CPQ: variants seen among roughly 807,000 people sequenced by gnomAD.
CPQ encodes carboxypeptidase Q, also known as Ser-Met dipeptidase.
CPQ carries 37 observed loss-of-function variants against 45.7 expected under a neutral mutation model. The observed-to-expected ratio is 0.81, with a 90% CI of 0.62 to 1.07. The LOEUF (loss-of-function observed/expected upper bound fraction) is 1.07, where lower values mean the gene tolerates loss of function less well. CPQ is among the 50% of genes least tolerant of loss of function. The probability of loss-of-function intolerance (pLI) is 0.00; values close to 1 mark genes in which losing one functional copy is unlikely to be tolerated. For missense variants in CPQ, 537 were observed against 572.9 expected (o/e 0.94, Z 0.64); for synonymous variants, 186 against 205.8 (o/e 0.90, Z 0.82).
chr8:96,889,624 T>G (rs1812347638), intron 4 of CPQ, among the ~76,000 whole-genome samples: 1 of 152,098 alleles, frequency 6.6e-6, no homozygotes, highest in Non-Finnish European at 1.5e-5. Flanking sequence ...CAGTGGATCA[T>G]CCCGAGTCCC....
At chr8:96,704,531 A>T (rs111820978) in intron 1 of CPQ, among the ~76,000 whole-genome samples, 3,654 of 152,264 alleles carry the variant, frequency 0.024, 160 homozygotes, top group African/African-American at 0.083. Context: ...TGGAGCAAAG[A>T]GTATATATTC....
At chr8:97,087,123 GTGGT>G (rs2130560113) in intron 7 of CPQ, among the ~76,000 whole-genome samples, 1 of 152,122 alleles carries the variant, frequency 6.6e-6, no homozygotes, top group East Asian at 1.9e-4. Context: ...TGCCCCTCCG[GTGGT>G]GGTAAATGAC....
chr8:96,846,351 G>T (rs1456057634), intron 3 of CPQ, among the ~76,000 whole-genome samples: 3 of 152,082 alleles, frequency 2.0e-5, no homozygotes, highest in African/African-American at 7.2e-5. Context: ...CTGAGTGGTA[G>T]GAGTTCTTTA....
chr8:97,015,022 G>A (rs1274025252), intron 5 of CPQ, among the ~76,000 whole-genome samples: 1 of 152,090 alleles, frequency 6.6e-6, no homozygotes, highest in East Asian at 1.9e-4. Context: ...CATGATTCAA[G>A]TACAAACAGT....
rs112979333 is a variant in CPQ at position 97,069,848 on chromosome 8, C to T, written c.1255+3638C>T. ...GTATGATGACTAGACCCCAATATTC[C>T]ATGTATACTATTTACCAAAATACTG... On this transcript the variant is annotated intron_variant, in intron 7 of 7. Coordinates refer to ENST00000220763, the MANE Select transcript of CPQ (RefSeq NM_016134.4). Among the ~76,000 whole-genome samples the T allele has an allele frequency of 4.4e-3, 676 of 152,102 alleles. 6 individuals carry two copies. The highest frequency in any genetic ancestry group is 0.016 in the African/African-American group (649 of 41,516).
At chr8:97,084,812 C>G (rs1470335191) in intron 7 of CPQ, among the ~76,000 whole-genome samples, 2 of 150,454 alleles carry the variant, frequency 1.3e-5, no homozygotes, top group East Asian at 1.9e-4. Flanking sequence ...TGTGTATACT[C>G]TGTGTGTGTG....
chr8:96,960,691 T>C (rs1813445090), intron 4 of CPQ, among the ~76,000 whole-genome samples: 1 of 152,216 alleles, frequency 6.6e-6, no homozygotes, highest in Non-Finnish European at 1.5e-5. Flanking sequence ...AACTTTGGTA[T>C]ACCATTGCTT....
chr8:97,085,550 G>T (rs1048122907), intron 7 of CPQ, among the ~76,000 whole-genome samples: 1 of 151,968 alleles, frequency 6.6e-6, no homozygotes, highest in Non-Finnish European at 1.5e-5. Flanking sequence ...ACTTCATCTC[G>T]CTAGTCTTAA....
intron 3 of CPQ, among the ~76,000 whole-genome samples, chr8:96,865,498 G>C (rs547416499): frequency 4.6e-5 from 7 of 152,016 alleles, no homozygotes; most frequent in Non-Finnish European, 1.0e-4. Flanking sequence ...GTGTATGGTC[G>C]ATATGCTACC....
At chr8:96,683,657 T>C (rs6468516) in intron 1 of CPQ, among the ~76,000 whole-genome samples, 49 of 152,202 alleles carry the variant, frequency 3.2e-4, no homozygotes, top group African/African-American at 1.1e-3. Flanking sequence ...ACTGCCAGAA[T>C]TAGAATTTTT....
At chr8:96,680,356 G>A (rs1809133006) in intron 1 of CPQ, 1 of 152,162 alleles carries the variant, frequency 6.6e-6, no homozygotes, top group Non-Finnish European at 1.5e-5. Flanking sequence ...CTCAGTGGGA[G>A]GTAATTGAAT....
chr8:96,768,866 A>C (rs550370186), intron 1 of CPQ, among the ~76,000 whole-genome samples: 21 of 152,282 alleles, frequency 1.4e-4, no homozygotes, highest in Non-Finnish European at 2.9e-4. Flanking sequence ...AATCCAAAGG[A>C]AATTACTAAT....
chr8:96,783,569 G>A (rs972328669), intron 1 of CPQ, among the ~76,000 whole-genome samples: 4 of 152,050 alleles, frequency 2.6e-5, no homozygotes, highest in Admixed American at 6.6e-5. Context: ...TTATAATACC[G>A]TCACAAGCGC....
Position 96,929,134 on chromosome 8 carries a change from A to T in CPQ, c.850-36801A>T, listed in dbSNP as rs577963113. On this transcript the variant is annotated intron_variant, in intron 4 of 7. Transcript: ENST00000220763. ...ATGATGGAAGATAATTCTGATTTAC[A>T]TGAGTGATAGTTTAAAATTCCAGGT... Among the ~76,000 whole-genome samples the T allele has an allele frequency of 2.6e-5, 4 of 152,328 alleles. No individual in the cohort carries two copies. The East Asian group carries it at 7.7e-4, about 29-fold the overall frequency.
intron 1 of CPQ, among the ~76,000 whole-genome samples, chr8:96,759,685 G>A (rs1232892021): frequency 6.6e-6 from 1 of 152,102 alleles, no homozygotes; most frequent in Non-Finnish European, 1.5e-5. Context: ...AGACTGAGGT[G>A]CAGAACATTT....
intron 1 of CPQ, among the ~76,000 whole-genome samples, chr8:96,674,823 T>C (rs1233187640): frequency 6.6e-6 from 1 of 152,162 alleles, no homozygotes; most frequent in Non-Finnish European, 1.5e-5. Context: ...AACCTTTTGA[T>C]GTTTGGCAAC....
intron 7 of CPQ, among the ~76,000 whole-genome samples, chr8:97,103,331 A>G (rs1189628823): frequency 6.6e-6 from 1 of 152,244 alleles, no homozygotes; most frequent in Non-Finnish European, 1.5e-5. Flanking sequence ...TCATAGTGCT[A>G]TAACGCAGAG....
At chr8:96,839,974 C>T (rs1180786439) in intron 3 of CPQ, among the ~76,000 whole-genome samples, 2 of 139,736 alleles carry the variant, frequency 1.4e-5, no homozygotes, top group Non-Finnish European at 3.1e-5. Context: ...TGCTACACAT[C>T]TAATGAAAGA....
intron 1 of CPQ, among the ~76,000 whole-genome samples, chr8:96,745,972 T>C (rs1479178522): frequency 1.3e-5 from 2 of 152,346 alleles, no homozygotes; most frequent in Admixed American, 6.5e-5. Context: ...CATGAGGTTA[T>C]TGAAACTGTG....
Sources: allele counts gnomAD v4.1 joint callset (sites outside exome capture counted in the v4.1 genomes callset), GRCh38; gene constraint gnomAD v4.1.1; transcripts MANE v1.5; gene names NCBI Gene and HGNC (gene_info 2026-07-23, HGNC 2026-07-21).